The following SBF2 variants were observed in gnomAD, a reference collection of about 807,000 sequenced individuals.
The protein encoded by SBF2 is myotubularin-related protein 13.
SBF2 carries 112 observed loss-of-function variants against 225.2 expected under a neutral mutation model. That is an observed-to-expected ratio of 0.50 (90% confidence interval 0.43 to 0.58). The LOEUF (loss-of-function observed/expected upper bound fraction) is 0.58. SBF2 is among the 20% of genes least tolerant of loss of function. SBF2 has a pLI of 0.00. For synonymous variants in SBF2, 763 were observed against 773.3 expected (o/e 0.99, Z 0.22); for missense variants, 1,996 against 2,206.2 (o/e 0.90, Z 1.91).
chr11:9,993,073 A>G lies in SBF2; in HGVS notation c.1084T>C (p.Leu362=), dbSNP rs771826449. Residue 362 remains leucine, a synonymous_variant, in exon 11 of 40, where the codon TTA becomes CTA. Coordinates refer to ENST00000256190, the MANE Select transcript of SBF2 (RefSeq NM_030962.4). ...TATCCTTGGAAGAGTTGTGCAAATA[A>G]TCTAAGGAAAACGGCTCGCACCTCT... is the stretch of plus-strand genomic sequence containing the variant. ...DKEVRAVFLR[L]FAQLFQGYRS... 11 of 1,612,314 alleles carry G rather than the reference A, an allele frequency of 6.8e-6. No individual in the cohort carries two copies.
At chr11:10,190,799 C>T (rs909175179) in intron 2 of SBF2, among the ~76,000 whole-genome samples, 3 of 152,190 alleles carry the variant, frequency 2.0e-5, no homozygotes, top group African/African-American at 7.2e-5. Flanking sequence ...CTTCTCTTAA[C>T]ATTTCTCAAC....
chr11:10,105,337 C>T (rs1411269237), intron 2 of SBF2, among the ~76,000 whole-genome samples: 3 of 152,154 alleles, frequency 2.0e-5, no homozygotes, highest in Non-Finnish European at 4.4e-5. Flanking sequence ...AAGCAGCCTA[C>T]TTTGCTTAAC....
At chr11:9,822,579 G>A (rs1854829837) in intron 28 of SBF2, among the ~76,000 whole-genome samples, 1 of 152,038 alleles carries the variant, frequency 6.6e-6, no homozygotes, top group African/African-American at 2.4e-5. Flanking sequence ...TTAATGTATT[G>A]TTTCCTGAGG....
At chr11:10,221,416 C>A (rs1384309765) in intron 1 of SBF2, among the ~76,000 whole-genome samples, 4 of 152,196 alleles carry the variant, frequency 2.6e-5, no homozygotes, top group African/African-American at 9.7e-5. Context: ...CTGTGCCCAG[C>A]CAAGACTGTT....
At chr11:10,051,696 CAAAT>C (rs1950069873) in intron 2 of SBF2, among the ~76,000 whole-genome samples, 1 of 151,950 alleles carries the variant, frequency 6.6e-6, no homozygotes, top group Admixed American at 6.6e-5. Flanking sequence ...TCTATATTCT[CAAAT>C]AAAATACAGT....
chr11:10,005,678 G>A (rs749219174), intron 6 of SBF2, among the ~76,000 whole-genome samples: 3 of 152,126 alleles, frequency 2.0e-5, no homozygotes, highest in Non-Finnish European at 4.4e-5. Context: ...ATACTTTGGT[G>A]CTGTGATTTG....
intron 32 of SBF2, among the ~76,000 whole-genome samples, chr11:9,797,812 TAAAAC>T (rs1243074334): frequency 3.9e-5 from 6 of 152,002 alleles, no homozygotes; most frequent in Non-Finnish European, 5.9e-5. Flanking sequence ...CTACAAAAAT[TAAAAC>T]AAACAATTAG....
At chr11:9,880,235 C>A (rs888225518) in intron 17 of SBF2, among the ~76,000 whole-genome samples, 1 of 152,078 alleles carries the variant, frequency 6.6e-6, no homozygotes, top group Non-Finnish European at 1.5e-5. Context: ...GGTTGTGAAG[C>A]TTGCATGTTA....
intron 25 of SBF2, among the ~76,000 whole-genome samples, chr11:9,841,614 C>A (rs1292147110): frequency 6.6e-6 from 1 of 151,912 alleles, no homozygotes; most frequent in Admixed American, 6.6e-5. Flanking sequence ...CTCACTGCAA[C>A]CTTCTCCTCC....
intron 1 of SBF2, among the ~76,000 whole-genome samples, chr11:10,260,806 A>G (rs1427058578): frequency 6.8e-6 from 1 of 147,810 alleles, no homozygotes; most frequent in Non-Finnish European, 1.5e-5. Context: ...GCTTGAGCCC[A>G]GGAGTCTGAC....
chr11:9,785,400 T>C, intron 36 of SBF2, 82 bp from the exon 37 acceptor site: 2 of 1,168,514 alleles, frequency 1.7e-6, no homozygotes, highest in South Asian at 2.5e-5. Flanking sequence ...CAAATATTTA[T>C]CTCAAGGAAA....
At chr11:10,207,596 G>A (rs1565355293) in intron 1 of SBF2, among the ~76,000 whole-genome samples, 1 of 152,054 alleles carries the variant, frequency 6.6e-6, no homozygotes, top group African/African-American at 2.4e-5. Context: ...ACCTTTAGTT[G>A]CCAGGGTAGG....
At chr11:10,002,468 C>T (rs1034850958) in intron 7 of SBF2, 89 bp downstream of exon 7, 2 of 1,095,430 alleles carry the variant, frequency 1.8e-6, no homozygotes, top group Non-Finnish European at 2.7e-6. Context: ...CTATGTGGTT[C>T]AAAACCATTG....
At chr11:10,237,229 C>T (rs1174369608) in intron 1 of SBF2, among the ~76,000 whole-genome samples, 2 of 152,168 alleles carry the variant, frequency 1.3e-5, no homozygotes, top group African/African-American at 4.8e-5. Flanking sequence ...TACCTGTTAT[C>T]CCAGCTATTT....
chr11:10,007,147 G>C (rs1178547609), intron 6 of SBF2, among the ~76,000 whole-genome samples: 1 of 152,158 alleles, frequency 6.6e-6, no homozygotes, highest in African/African-American at 2.4e-5. Context: ...TATCTCCTCT[G>C]TGAAAAGGGC....
chr11:10,123,636 G>A (rs1953590729), intron 2 of SBF2, among the ~76,000 whole-genome samples: 2 of 151,426 alleles, frequency 1.3e-5, no homozygotes, highest in African/African-American at 4.9e-5. Context: ...TGTATTCAGA[G>A]TCGAGTTTAA....
intron 9 of SBF2, among the ~76,000 whole-genome samples, chr11:9,996,373 C>A (rs1337659748): frequency 6.6e-6 from 1 of 151,988 alleles, no homozygotes; most frequent in African/African-American, 2.4e-5. Context: ...GTCTTTAAAT[C>A]AACTCACCTT....
intron 1 of SBF2, chr11:10,302,871 A>T (rs1402805821): frequency 6.6e-6 from 1 of 152,318 alleles, no homozygotes; most frequent in Non-Finnish European, 1.5e-5. Context: ...AGTCCAGACC[A>T]CGGGACCTTC....
chr11:10,185,652 G>C (rs1956907407), intron 2 of SBF2, among the ~76,000 whole-genome samples: 4 of 151,166 alleles, frequency 2.6e-5, no homozygotes, highest in African/African-American at 9.7e-5. Context: ...ATAATAATGG[G>C]CATGCAATAG....
Sources: allele counts gnomAD v4.1 joint callset (sites outside exome capture counted in the v4.1 genomes callset), GRCh38; gene constraint gnomAD v4.1.1; transcripts MANE v1.5; gene names NCBI Gene and HGNC (gene_info 2026-07-23, HGNC 2026-07-21).